Variants in KCNH1 observed in about 807,000 individuals in gnomAD.
KCNH1 encodes the protein voltage-gated delayed rectifier potassium channel KCNH1.
In KCNH1, 27 loss-of-function variants were observed where a neutral mutation model predicts 69.2. The observed-to-expected ratio is 0.39, with a 90% CI of 0.29 to 0.54. The LOEUF (loss-of-function observed/expected upper bound fraction) is 0.54, where lower values mean the gene tolerates loss of function less well. KCNH1 is among the 20% of genes least tolerant of loss of function. The pLI is 0.68. For missense variants in KCNH1, 798 were observed against 1,261.6 expected (o/e 0.63, Z 5.57); for synonymous variants, 456 against 487.7 (o/e 0.93, Z 0.86).
chr1:210,809,406 C>T (rs1433071136), intron 7 of KCNH1, among the ~76,000 whole-genome samples: 1 of 151,846 alleles, frequency 6.6e-6, no homozygotes, highest in Non-Finnish European at 1.5e-5. Context: ...CAGCCAGAAA[C>T]CAGAAGCAGA....
chr1:210,824,704 T>C (rs1685001061), intron 7 of KCNH1, among the ~76,000 whole-genome samples: 1 of 152,194 alleles, frequency 6.6e-6, no homozygotes, highest in South Asian at 2.1e-4. Context: ...GGGATAGTCT[T>C]CTTTGGTACT....
Position 210,709,724 on chromosome 1 carries a change from GAGAGAGAGAGAGAGAGAA to G in KCNH1, c.2113-25604_2113-25587del, listed in dbSNP as rs1374034834. On this transcript the variant is annotated intron_variant, in intron 10 of 10. Coordinates refer to ENST00000271751, the MANE Select transcript of KCNH1 (RefSeq NM_172362.3). ...AAAAGAAAGAGAAAGAAAGAAAGAAGAGAGAGAGAGAGAGAGAAAGAGAGAGAGAGAGAGAGAGAGAAA... is the reference window on the plus strand; with the variant it reads ...AAAAGAAAGAGAAAGAAAGAAAGAAGAGAGAGAGAGAGAGAGAGAGAGAAA... Among the ~76,000 whole-genome samples, 5 of 64,008 alleles carry G rather than the reference GAGAGAGAGAGAGAGAGAA, an allele frequency of 7.8e-5. No homozygotes were observed. The East Asian group carries it at 1.5e-3, about 19-fold the overall frequency. 42.0% of individuals were successfully genotyped at this position (64,008 alleles called of 152,430 possible). A position where few individuals can be genotyped will look rare whatever the true frequency, so the allele number is the denominator to read the frequency against.
At chr1:210,705,727 G>T (rs1427738844) in intron 10 of KCNH1, among the ~76,000 whole-genome samples, 1 of 152,122 alleles carries the variant, frequency 6.6e-6, no homozygotes, top group Non-Finnish European at 1.5e-5. Flanking sequence ...TATGGGATCA[G>T]CATTTCCCCC....
rs185804736 is a variant in KCNH1, at chr1:210,993,553, C to A, written c.1032+25230G>T. Among the ~76,000 whole-genome samples the A allele has an allele frequency of 1.8e-3, 268 of 152,316 alleles. 8 individuals are homozygous for A. The highest frequency in any genetic ancestry group is 0.014 in the Admixed American group (213 of 15,306). On this transcript the variant is annotated intron_variant, in intron 6 of 10. Transcript: ENST00000271751. The stretch of plus-strand genomic sequence containing the variant: ...AGATACACTTCAGCTAATGTGCAAA[C>A]CTTATGTCTTAACAGAAATTTCCTG...
At chr1:210,833,565 T>G (rs1272293422) in intron 7 of KCNH1, among the ~76,000 whole-genome samples, 1 of 152,094 alleles carries the variant, frequency 6.6e-6, no homozygotes, top group Admixed American at 6.5e-5. Flanking sequence ...ACGTTAGACC[T>G]AAAACCATAA....
chr1:211,062,804 T>C (rs954567371), intron 5 of KCNH1, among the ~76,000 whole-genome samples: 2 of 152,150 alleles, frequency 1.3e-5, no homozygotes, highest in African/African-American at 4.8e-5. Context: ...GGACAAGCAA[T>C]AACAAATTCT....
At chr1:211,059,751 AAGAGTG>A (rs1489659882) in intron 5 of KCNH1, among the ~76,000 whole-genome samples, 6 of 149,120 alleles carry the variant, frequency 4.0e-5, no homozygotes, top group African/African-American at 1.2e-4. Flanking sequence ...TCAAGAAAAA[AAGAGTG>A]AGAGAGAGAG....
intron 10 of KCNH1, among the ~76,000 whole-genome samples, chr1:210,745,038 A>G (rs898754632): frequency 2.0e-5 from 3 of 152,194 alleles, no homozygotes; most frequent in African/African-American, 7.2e-5. Context: ...CCCCATCTCT[A>G]CTAAAAATAC....
chr1:210,859,564 T>C, intron 7 of KCNH1: 1 of 1,568,436 alleles, frequency 6.4e-7, no homozygotes. Flanking sequence ...CCCATCTTCA[T>C]CAATATCATC....
rs559332256 is a variant in KCNH1 at position 210,696,177 on chromosome 1, G to A, written c.2113-12039C>T. 5.9e-5 allele frequency among the ~76,000 whole-genome samples: 9 copies of A among 152,254 alleles called. No individual in the cohort carries two copies. In the East Asian group the frequency reaches 1.5e-3, roughly 26 times the overall value. ...CCAGAAGTCTGGGGAGTAGCTACACGTGCCTCTTCCTCAGAGGTCCTGGCA... is the reference window on the plus strand; with the variant it reads ...CCAGAAGTCTGGGGAGTAGCTACACATGCCTCTTCCTCAGAGGTCCTGGCA... On this transcript the variant is annotated intron_variant, in intron 10 of 10. Coordinates refer to ENST00000271751, the MANE Select transcript of KCNH1 (RefSeq NM_172362.3).
At chr1:210,824,125 T>C (rs1234548538) in intron 7 of KCNH1, among the ~76,000 whole-genome samples, 3 of 147,572 alleles carry the variant, frequency 2.0e-5, no homozygotes, top group African/African-American at 7.5e-5. Context: ...TCTAAACCTT[T>C]GTTCCCAGGA....
chr1:210,917,685 C>T (rs746099947), intron 7 of KCNH1, among the ~76,000 whole-genome samples: 1 of 152,160 alleles, frequency 6.6e-6, no homozygotes, highest in Non-Finnish European at 1.5e-5. Context: ...TTTCGACTGA[C>T]AAAGTGGCTC....
chr1:210,909,076 A>G (rs551871819), intron 7 of KCNH1, among the ~76,000 whole-genome samples: 2 of 152,376 alleles, frequency 1.3e-5, no homozygotes, highest in South Asian at 2.1e-4. Context: ...TCTCCCATGC[A>G]TGCAAAGAGG....
rs530609729 is a variant in KCNH1 at position 210,919,269 on chromosome 1, G to A, written c.1462+371C>T. 9 of 168,510 alleles carry A rather than the reference G, an allele frequency of 5.3e-5. No homozygotes were observed. The South Asian group carries it at 1.5e-3, about 28-fold the overall frequency. 10.4% of individuals were successfully genotyped at this position (168,510 alleles called of 1,614,324 possible). ...CATGAAAAGACTTCCATAATTCACTGTTCTATGAGTAGTTTACTAAAGTGC... is the reference window on the plus strand; with the variant it reads ...CATGAAAAGACTTCCATAATTCACTATTCTATGAGTAGTTTACTAAAGTGC... On this transcript the variant is annotated intron_variant, in intron 7 of 10. Coordinates refer to ENST00000271751, the MANE Select transcript of KCNH1 (RefSeq NM_172362.3). The surrounding 1 kb of genome is among the most constrained non-coding windows in gnomAD (Gnocchi z 4.2).
At chr1:211,107,636 C>A (rs979839200) in intron 1 of KCNH1, among the ~76,000 whole-genome samples, 5 of 152,124 alleles carry the variant, frequency 3.3e-5, no homozygotes, top group Admixed American at 1.3e-4. Flanking sequence ...ACCAACCAAC[C>A]AACAAATCCT....
At chr1:210,929,187 A>G (rs543922906) in intron 6 of KCNH1, among the ~76,000 whole-genome samples, 163 of 152,318 alleles carry the variant, frequency 1.1e-3, no homozygotes, top group African/African-American at 3.7e-3. Flanking sequence ...TGAAGCCAGT[A>G]TAACCCTACT....
Position 211,104,080 on chromosome 1 carries a change from T to G in KCNH1, c.204-478A>C, listed in dbSNP as rs536723467. Among the ~76,000 whole-genome samples, 8 of 152,292 alleles carry G rather than the reference T, an allele frequency of 5.3e-5. No homozygotes were observed. In the East Asian group the frequency reaches 1.5e-3, roughly 29 times the overall value. ...GCACAGAGGTGACAGTCAGATTAAT[T>G]CCAGACCCTGATTATAGTTCATTTC... On this transcript the variant is annotated intron_variant, in intron 2 of 10. Coordinates refer to ENST00000271751, the MANE Select transcript of KCNH1 (RefSeq NM_172362.3).
intron 7 of KCNH1, among the ~76,000 whole-genome samples, chr1:210,820,162 T>G (rs1223173338): frequency 6.6e-6 from 1 of 152,268 alleles, no homozygotes; most frequent in Non-Finnish European, 1.5e-5. Context: ...ACAGAAATGT[T>G]ATGTCTGTTT....
At chr1:210,842,190 C>T (rs929501124) in intron 7 of KCNH1, among the ~76,000 whole-genome samples, 1 of 152,144 alleles carries the variant, frequency 6.6e-6, no homozygotes, top group Admixed American at 6.6e-5. Flanking sequence ...TGTTGCTTAC[C>T]TCCCCTACCA....
Sources: allele counts gnomAD v4.1 joint callset (sites outside exome capture counted in the v4.1 genomes callset), GRCh38; gene constraint gnomAD v4.1.1; non-coding constraint Gnocchi (gnomAD v3.1); transcripts MANE v1.5; gene names NCBI Gene and HGNC (gene_info 2026-07-23, HGNC 2026-07-21).